The following CSMD1 variants were observed in gnomAD, a reference collection of about 807,000 sequenced individuals.
CSMD1 encodes CUB and Sushi multiple domains 1, also known as CUB and sushi domain-containing protein 1.
In CSMD1, 213 loss-of-function variants were observed where a neutral mutation model predicts 417.5. That is an observed-to-expected ratio of 0.51 (90% CI 0.46 to 0.57). The LOEUF is 0.57. Ranked by LOEUF, CSMD1 falls within the 20% of genes least tolerant of loss-of-function variation. CSMD1 has a pLI of 0.00. For synonymous variants in CSMD1, 2,862 were observed against 1,736.8 expected (o/e 1.65, Z -16.11); for missense variants, 6,923 against 4,529.7 (o/e 1.53, Z -15.17).
chr8:3,172,217 C>G (rs1820622445), intron 37 of CSMD1, among the ~76,000 whole-genome samples: 1 of 152,148 alleles, frequency 6.6e-6, no homozygotes, highest in African/African-American at 2.4e-5. Context: ...TCTTCCTTTT[C>G]TGACTGCTCA....
At chr8:4,272,113 G>T (rs1804638655) in intron 3 of CSMD1, among the ~76,000 whole-genome samples, 1 of 151,524 alleles carries the variant, frequency 6.6e-6, no homozygotes, top group Admixed American at 6.6e-5. Flanking sequence ...CCTGTCAGGG[G>T]TGTGTGTGTG....
At chr8:3,913,186 G>A (rs762807901) in intron 5 of CSMD1, among the ~76,000 whole-genome samples, 8 of 152,090 alleles carry the variant, frequency 5.3e-5, no homozygotes, top group Admixed American at 2.6e-4. Flanking sequence ...GTTGAGAACC[G>A]AATATATTGG....
intron 5 of CSMD1, among the ~76,000 whole-genome samples, chr8:3,848,764 A>G (rs965247467): frequency 6.6e-6 from 1 of 152,108 alleles, no homozygotes; most frequent in African/African-American, 2.4e-5. Flanking sequence ...TCTAATTATA[A>G]TTGTCAAATA....
chr8:4,471,064 A>T (rs1193015921), intron 2 of CSMD1, among the ~76,000 whole-genome samples: 1 of 152,166 alleles, frequency 6.6e-6, no homozygotes, highest in African/African-American at 2.4e-5. Flanking sequence ...CTCATTAATA[A>T]ATCAGTTAAA....
intron 3 of CSMD1, among the ~76,000 whole-genome samples, chr8:4,150,745 C>G (rs1796525402): frequency 6.6e-6 from 1 of 152,148 alleles, no homozygotes. Context: ...AAAGGAATTT[C>G]AAAAACCAAC....
At chr8:3,967,604 A>G (rs1280266205) in intron 5 of CSMD1, among the ~76,000 whole-genome samples, 1 of 152,096 alleles carries the variant, frequency 6.6e-6, no homozygotes, top group Non-Finnish European at 1.5e-5. Context: ...ACGGTTCACA[A>G]CTGATTTATT....
chr8:4,936,403 G>C (rs552125920), intron 1 of CSMD1, among the ~76,000 whole-genome samples: 3 of 152,264 alleles, frequency 2.0e-5, no homozygotes, highest in Admixed American at 6.5e-5. Flanking sequence ...TAAAATTGAA[G>C]ATGTACTCAA....
intron 1 of CSMD1, among the ~76,000 whole-genome samples, chr8:4,698,970 G>A (rs193214111): frequency 4.0e-5 from 6 of 151,134 alleles, no homozygotes; most frequent in Non-Finnish European, 8.9e-5. Flanking sequence ...AACACGTCAG[G>A]ATTATCACTG....
intron 1 of CSMD1, among the ~76,000 whole-genome samples, chr8:4,895,322 C>T (rs1804410272): frequency 6.6e-6 from 1 of 152,096 alleles, no homozygotes; most frequent in Admixed American, 6.5e-5. Context: ...CTTTGTTTCT[C>T]TCCAATATTT....
chr8:2,972,233 A>T (rs1804522656), intron 57 of CSMD1, among the ~76,000 whole-genome samples: 1 of 152,198 alleles, frequency 6.6e-6, no homozygotes, highest in Admixed American at 6.5e-5. Context: ...ATAGTCAAGG[A>T]CAATAAATGA....
intron 10 of CSMD1, among the ~76,000 whole-genome samples, chr8:3,553,654 C>T (rs1343729266): frequency 6.6e-6 from 1 of 152,158 alleles, no homozygotes; most frequent in Non-Finnish European, 1.5e-5. Flanking sequence ...AACAACTTGA[C>T]TCTTTGTTAA....
chr8:3,677,583 C>A lies in CSMD1; in HGVS notation c.1009+30831G>T, dbSNP rs1423905468. Among the ~76,000 whole-genome samples, 2 of 152,092 alleles carry A rather than the reference C, an allele frequency of 1.3e-5. 1 individual carries two copies. ...AGGGTTTGGAGATGTCTTAGATTCA[C>A]GAAAGCCTAAGATTGGCCCTCTGAG... On this transcript the variant is annotated intron_variant, in intron 7 of 69. Coordinates refer to ENST00000635120, the MANE Select transcript of CSMD1 (RefSeq NM_033225.6).
At chr8:3,304,436 C>T (rs567813813) in intron 25 of CSMD1, among the ~76,000 whole-genome samples, 1 of 151,940 alleles carries the variant, frequency 6.6e-6, no homozygotes, top group Admixed American at 6.6e-5. Context: ...TATGGTTTTG[C>T]CAGATCACCA....
chr8:3,237,172 C>G (rs919694113), intron 26 of CSMD1, among the ~76,000 whole-genome samples: 4 of 151,676 alleles, frequency 2.6e-5, no homozygotes, highest in East Asian at 1.9e-4. Flanking sequence ...TATATATAGT[C>G]TCACAACTTT....
chr8:4,432,035 AAGG>A (rs200164433), intron 2 of CSMD1, among the ~76,000 whole-genome samples: 2,119 of 152,314 alleles, frequency 0.014, 17 homozygotes, highest in Middle Eastern at 0.024. Flanking sequence ...AAAAATGTGT[AAGG>A]AGATTTGGTA....
At chr8:3,930,278 AC>A (rs1357185911) in intron 5 of CSMD1, among the ~76,000 whole-genome samples, 1 of 150,394 alleles carries the variant, frequency 6.6e-6, no homozygotes, top group Non-Finnish European at 1.5e-5. Flanking sequence ...ATAAATAGTA[AC>A]TTCTCTTAGA....
At chr8:4,884,254 T>C (rs1212567431) in intron 1 of CSMD1, among the ~76,000 whole-genome samples, 1 of 152,004 alleles carries the variant, frequency 6.6e-6, no homozygotes, top group Non-Finnish European at 1.5e-5. Flanking sequence ...TATATATACA[T>C]GTTATTTTTT....
intron 3 of CSMD1, among the ~76,000 whole-genome samples, chr8:4,102,905 C>T (rs181766488): frequency 2.0e-5 from 3 of 152,262 alleles, no homozygotes; most frequent in African/African-American, 7.2e-5. Flanking sequence ...TAGCAAAGTG[C>T]TGAGTGCTGG....
At chr8:3,182,512 G>A (rs1475322204) in intron 36 of CSMD1, among the ~76,000 whole-genome samples, 2 of 151,700 alleles carry the variant, frequency 1.3e-5, no homozygotes, top group Non-Finnish European at 1.5e-5. Context: ...ACTGCACCCG[G>A]CCCCCAAGAG....
Sources: allele counts gnomAD v4.1 joint callset (sites outside exome capture counted in the v4.1 genomes callset), GRCh38; gene constraint gnomAD v4.1.1; transcripts MANE v1.5; gene names NCBI Gene and HGNC (gene_info 2026-07-23, HGNC 2026-07-21).